GAA: variants seen among roughly 807,000 people sequenced by gnomAD.
GAA encodes alpha glucosidase, also known as lysosomal alpha-glucosidase.
Under a neutral mutation model 103.9 loss-of-function variants are expected in GAA, and 88 were observed. The observed-to-expected ratio is 0.85, with a 90% CI of 0.71 to 1.01. The LOEUF (loss-of-function observed/expected upper bound fraction) is 1.01. GAA is among the 50% of genes least tolerant of loss of function. The pLI is 0.00. For synonymous variants in GAA, 572 were observed against 563.1 expected (o/e 1.02, Z -0.22); for missense variants, 1,350 against 1,305.3 (o/e 1.03, Z -0.53).
intron 1 of GAA, chr17:80,102,165 C>T (rs1173999700): frequency 2.0e-5 from 3 of 151,064 alleles, no homozygotes; most frequent in East Asian, 3.9e-4. Flanking sequence ...ACCCGAGCCA[C>T]CTCTCCTGCT....
chr17:80,104,584 A>G lies in GAA; in HGVS notation c.-3A>G, dbSNP rs746632620. On this transcript the variant is annotated 5_prime_UTR_variant, in exon 2 of 20. Transcript: ENST00000302262. The surrounding 1 kb of genome is among the most constrained non-coding windows in gnomAD (Gnocchi z 4.0). ...GTAGGAGCTGTCCAGGCCATCTCCA[A>G]CCATGGGAGTGAGGCACCCGCCCTG... 2 of 1,609,218 alleles carry G rather than the reference A, an allele frequency of 1.2e-6. No individual in the cohort carries two copies. Among genetic ancestry groups the G allele is most frequent in the African/African-American group, 1.3e-5 (1 of 74,834 alleles).
chr17:80,109,456 G>C (rs921357675), intron 8 of GAA, among the ~76,000 whole-genome samples: 1 of 152,212 alleles, frequency 6.6e-6, no homozygotes, highest in Non-Finnish European at 1.5e-5. Context: ...GGAGGAGGTG[G>C]GAGGCAGGGC....
rs2143919665 is a variant in GAA, at chr17:80,117,058, G to GA, written c.2280_2281insA (p.Ala761SerfsTer35). 6.2e-7 allele frequency: 1 copy of GA among 1,613,546 alleles called. No homozygotes were observed. The highest frequency in any genetic ancestry group is 8.5e-7 in the Non-Finnish European group (1 of 1,180,020). ...TCACCCCAGTGCTCCAGGCCGGGAA[G>GA]GCCGAAGTGACTGGCTACTTCCCCT... On this transcript the variant is annotated frameshift_variant, in exon 16 of 20. Transcript: ENST00000302262. LOFTEE classifies it high-confidence loss of function.
Position 80,119,379 on chromosome 17 carries a change from GA to G in GAA, c.*50del. The G allele has an allele frequency of 6.5e-7, 1 of 1,527,052 alleles. No individual in the cohort carries two copies. The highest frequency in any genetic ancestry group is 1.1e-5 in the South Asian group (1 of 89,178). 94.6% of individuals were successfully genotyped at this position (1,527,052 alleles called of 1,614,324 possible). Reference sequence around the variant, plus strand: ...TCCAGAGGGAGGCTGGTTCCCCAGGGAAGCAGAGCCTGTGTGCGGGCAGCAG... The same window carrying G: ...TCCAGAGGGAGGCTGGTTCCCCAGGGAGCAGAGCCTGTGTGCGGGCAGCAG... On this transcript the variant is annotated 3_prime_UTR_variant, in exon 20 of 20. Coordinates refer to ENST00000302262, the MANE Select transcript of GAA (RefSeq NM_000152.5).
intron 2 of GAA, among the ~76,000 whole-genome samples, 157 bp from the exon 3 acceptor site, chr17:80,105,592 G>A (rs1256004371): frequency 1.3e-5 from 2 of 152,256 alleles, no homozygotes; most frequent in African/African-American, 4.8e-5. Context: ...TGGCTCTGCA[G>A]ATGAGGGAGC....
chr17:80,114,745 C>G (rs1280687258), intron 15 of GAA, among the ~76,000 whole-genome samples: 1 of 152,216 alleles, frequency 6.6e-6, no homozygotes, highest in Non-Finnish European at 1.5e-5. Flanking sequence ...TTTATTTCTT[C>G]ATGTGGCTTT....
In GAA at chr17:80,104,547, TC is replaced by T; in HGVS notation, c.-32-5del. 1.3e-6 allele frequency: 2 copies of T among 1,573,290 alleles called. No homozygotes were observed. Among genetic ancestry groups the T allele is most frequent in the Non-Finnish European group, 1.7e-6 (2 of 1,157,376 alleles). On this transcript the variant is annotated splice_polypyrimidine_tract_variant and splice_region_variant and intron_variant, in intron 1 of 19. Transcript: ENST00000302262. The surrounding 1 kb of genome is among the most constrained non-coding windows in gnomAD (Gnocchi z 4.0). Reference sequence around the variant, plus strand: ...CCTCCCTGCTGAGCCCGCTTTCTTCTCCCGCAGGCCTGTAGGAGCTGTCCAG... The same window carrying T: ...CCTCCCTGCTGAGCCCGCTTTCTTCTCCGCAGGCCTGTAGGAGCTGTCCAG...
rs2143895840 is a variant in GAA at position 80,113,265 on chromosome 17, G to A, written c.2088G>A (p.Arg696=). 1 of 1,602,428 alleles carries A rather than the reference G, an allele frequency of 6.2e-7. No homozygotes were observed. The change falls in exon 15 of 20, where the codon AGG becomes AGA. Residue 696 remains arginine (R), a synonymous_variant. Coordinates refer to ENST00000302262, the MANE Select transcript of GAA (RefSeq NM_000152.5). ...SFSEPAQQAM[R]KALTLRYALL... ...GCGAGCCGGCCCAGCAGGCCATGAG[G>A]AAGGCCCTCACCCTGCGCTACGCAC... is the stretch of plus-strand genomic sequence containing the variant.
At chr17:80,106,025 G>A in intron 3 of GAA, 131 bp downstream of exon 3, 2 of 1,272,564 alleles carry the variant, frequency 1.6e-6, no homozygotes, top group South Asian at 1.5e-5. Flanking sequence ...ACACGGCGGG[G>A]AGGGCGACGG....
At chr17:80,103,999 C>T (rs2039011608) in intron 1 of GAA, among the ~76,000 whole-genome samples, 1 of 152,186 alleles carries the variant, frequency 6.6e-6, no homozygotes, top group Non-Finnish European at 1.5e-5. Flanking sequence ...CAGGCGTGGT[C>T]ACTCCTGAAA....
At chr17:80,105,183 A>T (rs767533213) in intron 2 of GAA, 51 bp downstream of exon 2, 13 of 1,523,922 alleles carry the variant, frequency 8.5e-6, no homozygotes, top group Middle Eastern at 2.1e-4. Context: ...GTGCGCGTGG[A>T]CATCGACACC....
intron 12 of GAA, 176 bp downstream of exon 12, chr17:80,112,276 C>T (rs2039255212): frequency 1.4e-6 from 1 of 691,794 alleles, no homozygotes; most frequent in African/African-American, 1.8e-5. Flanking sequence ...AGCTGGAGCG[C>T]TCCTTCCCAC....
At chr17:80,118,609 ACCT>A (rs2039412135) in intron 18 of GAA, 41 bp from the exon 19 acceptor site, 2 of 1,607,186 alleles carry the variant, frequency 1.2e-6, no homozygotes, top group Admixed American at 3.3e-5. Flanking sequence ...GTCTGCTGAC[ACCT>A]CCACATTCTC....
intron 9 of GAA, among the ~76,000 whole-genome samples, chr17:80,110,516 T>C (rs2039206481): frequency 6.6e-6 from 1 of 152,234 alleles, no homozygotes; most frequent in South Asian, 2.1e-4. Context: ...GACCCCTCGT[T>C]TTCCCAGGGT....
Position 80,107,796 on chromosome 17 carries a change from C to A in GAA, c.859-4C>A, listed in dbSNP as rs749017942. On this transcript the variant is annotated splice_region_variant and splice_polypyrimidine_tract_variant and intron_variant, in intron 4 of 19. Transcript: ENST00000302262. Reference sequence around the variant, plus strand: ...GCTGAAGCGCCGTCTCCTGCATGTCCCAGCCCGGTGCGAACCTCTACGGGT... The same window carrying A: ...GCTGAAGCGCCGTCTCCTGCATGTCACAGCCCGGTGCGAACCTCTACGGGT... The A allele has an allele frequency of 6.2e-7, 1 of 1,611,318 alleles. No individual in the cohort carries two copies. Among genetic ancestry groups the A allele is most frequent in the Admixed American group, 1.7e-5 (1 of 59,782 alleles).
At chr17:80,111,412 G>A (rs1186684039) in intron 11 of GAA, among the ~76,000 whole-genome samples, 1 of 152,212 alleles carries the variant, frequency 6.6e-6, no homozygotes, top group African/African-American at 2.4e-5. Context: ...TGGGCTCAGA[G>A]GCAGGAATTA....
chr17:80,113,987 C>G (rs1447964072), intron 15 of GAA, among the ~76,000 whole-genome samples: 1 of 149,874 alleles, frequency 6.7e-6, no homozygotes, highest in African/African-American at 2.5e-5. Context: ...CACTGTACTC[C>G]AGCCTGTGTG....
At position 80,118,773 on chromosome 17, in the gene GAA, G is replaced by T; in HGVS notation, c.2767G>T (p.Val923Phe). Residue 923 changes from valine (V) to phenylalanine (F), a missense_variant, in exon 19 of 20, where the codon GTC (valine) becomes TTC (phenylalanine). Physicochemically the swap from Val to Phe is conservative, Grantham distance 50. Transcript: ENST00000302262. The part of the protein sequence containing the change: ...PQQVLSNGVP[V>F]SNFTYSPDTK... ...GCAGGTCCTCTCCAACGGTGTCCCT[G>T]TCTCCAACTTCACCTACAGCCCCGA... 6.2e-7 allele frequency: 1 copy of T among 1,613,514 alleles called. No individual in the cohort carries two copies. Among genetic ancestry groups the T allele is most frequent in the Non-Finnish European group, 8.5e-7 (1 of 1,180,022 alleles).
At chr17:80,116,888 T>G in intron 15 of GAA, 80 bp from the exon 16 acceptor site, 2 of 1,531,902 alleles carry the variant, frequency 1.3e-6, no homozygotes, top group Non-Finnish European at 1.8e-6. Flanking sequence ...AGCCTCTTCC[T>G]GTGCCTCCCC....
Sources: allele counts gnomAD v4.1 joint callset (sites outside exome capture counted in the v4.1 genomes callset), GRCh38; gene constraint gnomAD v4.1.1; non-coding constraint Gnocchi (gnomAD v3.1); transcripts MANE v1.5; gene names NCBI Gene and HGNC (gene_info 2026-07-23, HGNC 2026-07-21).